Variants in ZBTB44 observed in about 807,000 individuals in gnomAD.
ZBTB44 encodes zinc finger and BTB domain-containing protein 44.
ZBTB44 carries 15 observed loss-of-function variants against 54.0 expected under a neutral mutation model. The ratio of observed to expected loss-of-function variants is 0.28; its 90% CI spans 0.19 to 0.43. ZBTB44 has a LOEUF of 0.43. Ranked by LOEUF, ZBTB44 falls within the 20% of genes least tolerant of loss-of-function variation. The pLI, the probability that ZBTB44 is intolerant of heterozygous loss-of-function variation, is 1.00. For synonymous variants in ZBTB44, 230 were observed against 250.1 expected, an observed-to-expected ratio of 0.92 and a Z score of 0.76; for missense variants, 487 against 707.1, an observed-to-expected ratio of 0.69 and a Z score of 3.53.
Position 130,257,818 on chromosome 11 carries a change from C to G in ZBTB44, c.1018+3038G>C, listed in dbSNP as rs545878152. ...TAGTGGCTTTTCTTCTATCCCTTCC[C>G]AAACCTGAATATAGGTATTCCCCAA... On this transcript the variant is annotated intron_variant, in intron 2 of 7. Transcript: ENST00000357899. Among the ~76,000 whole-genome samples, 5 of 152,260 alleles carry G rather than the reference C, an allele frequency of 3.3e-5. No individual in the cohort carries two copies. In the South Asian group the frequency reaches 1.0e-3, roughly 32 times the overall value.
chr11:130,277,307 GAATA>G (rs1360797607), intron 1 of ZBTB44, among the ~76,000 whole-genome samples: 2 of 152,252 alleles, frequency 1.3e-5, no homozygotes, highest in South Asian at 2.1e-4. Context: ...CAAGGTTTTA[GAATA>G]TATACCAGAA....
At position 130,239,921 on chromosome 11, in the gene ZBTB44, C is replaced by T. The variant is rs763445263; in HGVS notation, c.1019-25G>A. The T allele has an allele frequency of 1.8e-5, 28 of 1,571,056 alleles. No homozygotes were observed. The South Asian group carries it at 3.1e-4, about 17-fold the overall frequency. ...CCTGTGAATAAGAGAAAGAGGACCACTGTAATCCTTTGGTGTGAATAAGCC... is the reference window on the plus strand; with the variant it reads ...CCTGTGAATAAGAGAAAGAGGACCATTGTAATCCTTTGGTGTGAATAAGCC... On this transcript the variant is annotated intron_variant, in intron 2 of 7. Transcript: ENST00000357899.
At chr11:130,281,791 TCGCCGGGG>T (rs1940541887) in intron 1 of ZBTB44, among the ~76,000 whole-genome samples, 1 of 7,746 alleles carries the variant, frequency 1.3e-4, no homozygotes, top group African/African-American at 2.9e-4. Context: ...AGACGGGGTT[TCGCCGGGG>T]TTTCGCCGTG....
At chr11:130,278,338 A>C (rs1219058518) in intron 1 of ZBTB44, among the ~76,000 whole-genome samples, 2 of 152,220 alleles carry the variant, frequency 1.3e-5, no homozygotes, top group Admixed American at 6.5e-5. Context: ...TACCACATTG[A>C]AAGTGAAAAA....
chr11:130,285,728 G>T, intron 1 of ZBTB44: 1 of 242,092 alleles, frequency 4.1e-6, no homozygotes, highest in South Asian at 6.9e-5. Flanking sequence ...CTTGTACTCT[G>T]GAATAGAGTA....
At chr11:130,304,680 C>G (rs1445004645) in intron 1 of ZBTB44, among the ~76,000 whole-genome samples, 1 of 151,992 alleles carries the variant, frequency 6.6e-6, no homozygotes, top group Non-Finnish European at 1.5e-5. Context: ...TCTCTAGAAA[C>G]AAACTATAGA....
chr11:130,276,388 T>C (rs766562892), intron 1 of ZBTB44, among the ~76,000 whole-genome samples: 4 of 151,988 alleles, frequency 2.6e-5, no homozygotes, highest in East Asian at 3.9e-4. Flanking sequence ...AGTTGGTTTA[T>C]AGCGTCTATT....
At chr11:130,286,246 C>T (rs1360528042) in intron 1 of ZBTB44, among the ~76,000 whole-genome samples, 5 of 152,064 alleles carry the variant, frequency 3.3e-5, no homozygotes, top group African/African-American at 1.2e-4. Flanking sequence ...TTATTTGCTG[C>T]CTAACAACCT....
At chr11:130,302,682 G>C (rs1479751934) in intron 1 of ZBTB44, among the ~76,000 whole-genome samples, 3 of 152,218 alleles carry the variant, frequency 2.0e-5, no homozygotes, top group Admixed American at 2.0e-4. Flanking sequence ...CAGTAAAAAA[G>C]TGAAATGAGG....
rs1953827167 is a variant in ZBTB44, at chr11:130,230,274, C to T, written c.*1490G>A. On this transcript the variant is annotated 3_prime_UTR_variant, in exon 8 of 8. Transcript: ENST00000357899. ...GATTTAATACAGCTTCCAAAGGCTC[C>T]CAAGAGAACCATTTATAAACTGGGA... 1 of 151,796 alleles carries T rather than the reference C, an allele frequency of 6.6e-6. No homozygotes were observed. The highest frequency in any genetic ancestry group is 2.1e-4 in the South Asian group (1 of 4,806). The allele number at this position is 151,796 out of a possible 1,614,324, so 9.4% of individuals were successfully genotyped here.
chr11:130,287,910 AAAT>A (rs1941061551), intron 1 of ZBTB44, among the ~76,000 whole-genome samples: 2 of 151,994 alleles, frequency 1.3e-5, no homozygotes, highest in Non-Finnish European at 2.9e-5. Context: ...ATTCACCTAA[AAAT>A]AACAGTACAT....
Position 130,236,916 on chromosome 11 carries a change from CG to C in ZBTB44, c.1444del (p.Arg482AlafsTer21). 1 of 1,596,736 alleles carries C rather than the reference CG, an allele frequency of 6.3e-7. No individual in the cohort carries two copies. Among genetic ancestry groups the C allele is most frequent in the Non-Finnish European group, 8.5e-7 (1 of 1,172,972 alleles). On this transcript the variant is annotated frameshift_variant, in exon 5 of 8. Transcript: ENST00000357899. LOFTEE classifies it high-confidence loss of function. ...TTTGCACTCGTAAATCCGAGGCTTG[CG>C]GATAATGTGCCGGGAAACCCTCATG... ...HHMRVSRHII[R>X]KPRIYECKTC... is the part of the protein sequence containing the mutation.
intron 4 of ZBTB44, among the ~76,000 whole-genome samples, chr11:130,237,592 GTT>G (rs748026665): frequency 2.0e-5 from 3 of 152,108 alleles, no homozygotes; most frequent in Non-Finnish European, 4.4e-5. Flanking sequence ...GATATAATGG[GTT>G]TTTTTGGGTA....
chr11:130,243,683 GT>G (rs1375804738), intron 2 of ZBTB44, among the ~76,000 whole-genome samples: 1 of 152,298 alleles, frequency 6.6e-6, no homozygotes, highest in East Asian at 1.9e-4. Context: ...AATGGAAGTG[GT>G]ATATGTGTAG....
chr11:130,261,001 T>C lies in ZBTB44; in HGVS notation c.873A>G (p.Val291=). ...LGTEEDVRVK[V]ERLSDEEVHE... ...GGACCTCCTCATCACTTAATCTTTC[T>C]ACTTTGACCCGGACATCTTCTTCGG... Residue 291 remains valine (V), a synonymous_variant, in exon 2 of 8, where the codon GTA becomes GTG. Transcript: ENST00000357899. This position sits in a 1 kb window ranked among gnomAD's most constrained non-coding sequence, Gnocchi z 4.8. 6.2e-7 allele frequency: 1 copy of C among 1,613,998 alleles called. No homozygotes were observed. The highest frequency in any genetic ancestry group is 8.5e-7 in the Non-Finnish European group (1 of 1,179,890).
At chr11:130,259,715 ACAC>A (rs1388888890) in intron 2 of ZBTB44, among the ~76,000 whole-genome samples, 3 of 150,728 alleles carry the variant, frequency 2.0e-5, no homozygotes, top group African/African-American at 7.3e-5. Context: ...AGAAAACCAA[ACAC>A]CACATGTTCT....
At chr11:130,266,834 T>TG (rs1939282214) in intron 1 of ZBTB44, among the ~76,000 whole-genome samples, 1 of 152,216 alleles carries the variant, frequency 6.6e-6, no homozygotes, top group African/African-American at 2.4e-5. Flanking sequence ...TTTCTTGAGT[T>TG]GGAGTCTACT....
At chr11:130,309,805 T>A (rs1003523899) in intron 1 of ZBTB44, among the ~76,000 whole-genome samples, 4 of 150,154 alleles carry the variant, frequency 2.7e-5, no homozygotes, top group African/African-American at 9.9e-5. Flanking sequence ...GGCAGGAGAA[T>A]CGCTTGAACC....
At chr11:130,311,369 T>C (rs1006980867) in intron 1 of ZBTB44, among the ~76,000 whole-genome samples, 1 of 152,040 alleles carries the variant, frequency 6.6e-6, no homozygotes, top group African/African-American at 2.4e-5. Flanking sequence ...CCACCACGCC[T>C]GGCTAATTTT....
Sources: allele counts gnomAD v4.1 joint callset (sites outside exome capture counted in the v4.1 genomes callset), GRCh38; gene constraint gnomAD v4.1.1; non-coding constraint Gnocchi (gnomAD v3.1); transcripts MANE v1.5; gene names NCBI Gene and HGNC (gene_info 2026-07-23, HGNC 2026-07-21).